MGAM: variants seen among roughly 807,000 people sequenced by gnomAD.
The protein encoded by MGAM is alpha-1,4-glucosidase.
A neutral mutation model predicts 358.8 loss-of-function variants in MGAM; 253 were observed. That is an observed-to-expected ratio of 0.71 (90% confidence interval 0.64 to 0.78). The LOEUF (loss-of-function observed/expected upper bound fraction) is 0.78, where lower values mean the gene tolerates loss of function less well. Ranked by LOEUF, MGAM falls within the 30% of genes least tolerant of loss-of-function variation. The probability of loss-of-function intolerance (pLI) is 0.00; values close to 1 mark genes in which losing one functional copy is unlikely to be tolerated. For synonymous variants in MGAM, 1,105 were observed against 1,227.1 expected (o/e 0.90, Z 2.08); for missense variants, 3,080 against 3,432.6 (o/e 0.90, Z 2.57).
upstream of MGAM, among the ~76,000 whole-genome samples, chr7:141,992,185 T>C (rs935027195): frequency 6.6e-6 from 1 of 152,204 alleles, no homozygotes; most frequent in Middle Eastern, 3.2e-3. Context: ...CTAAGTAACA[T>C]CAAGTCTTTT....
intron 24 of MGAM, 59 bp downstream of exon 24, chr7:142,050,923 C>T (rs1458350118): frequency 1.6e-4 from 251 of 1,608,418 alleles, no homozygotes; most frequent in South Asian, 2.1e-4. Context: ...TCGTGATGTT[C>T]CTTCTTGCCA....
chr7:142,082,105 T>G lies in MGAM; in HGVS notation c.6066T>G (p.Leu2022=). Residue 2022 remains leucine, a synonymous_variant, in exon 51 of 71, where the codon CTT becomes CTG. Transcript: ENST00000475668. Reference sequence around the variant, plus strand: ...TGTTTATCCGCATCTCCACCCGCCTTCCCTCCAAGTACCTCTATGGCTTTG... The same window carrying G: ...TGTTTATCCGCATCTCCACCCGCCTGCCCTCCAAGTACCTCTATGGCTTTG... ...NDMFIRISTR[L]PSKYLYGFGE... The G allele has an allele frequency of 6.4e-7, 1 of 1,555,944 alleles. No individual in the cohort carries two copies. Among genetic ancestry groups the G allele is most frequent in the Non-Finnish European group, 8.8e-7 (1 of 1,132,422 alleles).
intron 68 of MGAM, among the ~76,000 whole-genome samples, chr7:142,102,008 G>T (rs1028784263): frequency 1.3e-5 from 2 of 152,010 alleles, no homozygotes; most frequent in Non-Finnish European, 2.9e-5. Context: ...CAGGGTGTAG[G>T]ATGGGAATAC....
chr7:142,102,258 C>A (rs11984387), intron 68 of MGAM, among the ~76,000 whole-genome samples: 48,480 of 151,820 alleles, frequency 0.32, 7,847 homozygotes, highest in Middle Eastern at 0.35. Context: ...TGTGTACATA[C>A]AGCAAAAGAA....
chr7:142,088,656 GTCTA>G (rs35627220), intron 57 of MGAM, among the ~76,000 whole-genome samples: 36,868 of 125,638 alleles, frequency 0.29, 7,387 homozygotes, highest in South Asian at 0.31. Context: ...CTATCTGTCT[GTCTA>G]TCTATCTATC....
intron 1 of MGAM, among the ~76,000 whole-genome samples, chr7:142,002,592 A>G (rs1804822878): frequency 6.6e-6 from 1 of 152,156 alleles, no homozygotes; most frequent in South Asian, 2.1e-4. Context: ...TGAAAGCCAT[A>G]TATGAAAAAC....
rs757615356 is a variant in MGAM, at chr7:142,096,395, G to A, written c.7672G>A (p.Val2558Ile). 6.2e-7 allele frequency: 1 copy of A among 1,613,700 alleles called. No homozygotes were observed. Among genetic ancestry groups the A allele is most frequent in the Non-Finnish European group, 8.5e-7 (1 of 1,179,700 alleles). ...SQFLLGPAFL[V>I]SPVLERNARN... ...GTTCCTGCTGGGCCCAGCCTTCCTG[G>A]TCAGCCCTGTCCTGGAGCGTGTGAG... is the stretch of plus-strand genomic sequence containing the variant. The change falls in exon 65 of 71, where the codon GTC (valine) becomes ATC (isoleucine). Residue 2558 changes from valine to isoleucine, a missense_variant. Coordinates refer to ENST00000475668, the MANE Select transcript of MGAM (RefSeq NM_001365693.1).
rs1815059910 is a variant in MGAM at position 142,088,816 on chromosome 7, ATGTACCATCTAT to A, written c.6810+2100_6810+2111del. Among the ~76,000 whole-genome samples, 4 of 102,854 alleles carry A rather than the reference ATGTACCATCTAT, an allele frequency of 3.9e-5. 1 individual carries two copies. Among genetic ancestry groups the A allele is most frequent in the African/African-American group, 1.3e-4 (4 of 31,162 alleles). 67.5% of individuals were successfully genotyped at this position (102,854 alleles called of 152,430 possible). On this transcript the variant is annotated intron_variant, in intron 57 of 70. Transcript: ENST00000475668. ...ATCTATCTATCATTCTATCCTATCT[ATGTACCATCTAT>A]CTATCTATCTATCTATCTATCTATC...
chr7:142,092,168 TCAG>T lies in MGAM; in HGVS notation c.6945+122_6945+124del, dbSNP rs1815448398. On this transcript the variant is annotated intron_variant, in intron 58 of 70. Transcript: ENST00000475668. ...TTGTCCAAGGAAGACTTTGGACATATCAGACACTTCCTCCTCTCAGGAGAGGAA... is the reference window on the plus strand; with the variant it reads ...TTGTCCAAGGAAGACTTTGGACATATACACTTCCTCCTCTCAGGAGAGGAA... 4.6e-6 allele frequency: 6 copies of T among 1,310,382 alleles called. 2 individuals are homozygous for T. Among genetic ancestry groups the T allele is most frequent in the Non-Finnish European group, 6.2e-6 (6 of 965,110 alleles). 81.2% of individuals were successfully genotyped at this position (1,310,382 alleles called of 1,614,324 possible). A position where few individuals can be genotyped will look rare whatever the true frequency, so the allele number is the denominator to read the frequency against.
In MGAM at chr7:142,077,945, G is replaced by C. The variant is rs764737148; in HGVS notation, c.5494-373G>C. Among the ~76,000 whole-genome samples, 4 of 145,662 alleles carry C rather than the reference G, an allele frequency of 2.7e-5. 1 individual carries two copies. Among genetic ancestry groups the C allele is most frequent in the Non-Finnish European group, 6.2e-5 (4 of 64,356 alleles). ...GAGAGCAAGAGGATCAGCTCACTTTGAGATGACACCATGTGTCATGCTAAA... is the reference window on the plus strand; with the variant it reads ...GAGAGCAAGAGGATCAGCTCACTTTCAGATGACACCATGTGTCATGCTAAA... On this transcript the variant is annotated intron_variant, in intron 47 of 70. Transcript: ENST00000475668.
chr7:141,987,568 G>C (rs1803769854), intron 2 of MGAM, among the ~76,000 whole-genome samples: 1 of 152,076 alleles, frequency 6.6e-6, no homozygotes, highest in Non-Finnish European at 1.5e-5. Context: ...CACAGAAGTG[G>C]ACCATGCAGG....
At chr7:142,090,844 A>C (rs1200153875) in intron 57 of MGAM, among the ~76,000 whole-genome samples, 1 of 146,742 alleles carries the variant, frequency 6.8e-6, no homozygotes, top group Non-Finnish European at 1.5e-5. Context: ...TTAAACAGTG[A>C]GTATATATTT....
At chr7:142,047,172 C>T (rs1377739692) in intron 21 of MGAM, among the ~76,000 whole-genome samples, 2 of 152,096 alleles carry the variant, frequency 1.3e-5, no homozygotes, top group African/African-American at 2.4e-5. Context: ...TTTCTCTCTT[C>T]TCCCCCTCTT....
rs1345828825 is a variant in MGAM at position 142,095,874 on chromosome 7, GC to G, written c.7607+163del. The G allele has an allele frequency of 4.6e-6, 5 of 1,092,140 alleles. No homozygotes were observed. The African/African-American group carries it at 7.9e-5, about 17-fold the overall frequency. The allele number at this position is 1,092,140 out of a possible 1,614,324, so 67.7% of individuals were successfully genotyped here. ...CTCTCTTTAGCACAGTGCTATACAT[GC>G]CTTAGGTCATTAATAAAAGGTTATT... On this transcript the variant is annotated intron_variant, in intron 64 of 70. Coordinates refer to ENST00000475668, the MANE Select transcript of MGAM (RefSeq NM_001365693.1).
intron 21 of MGAM, among the ~76,000 whole-genome samples, chr7:142,047,435 G>T (rs983444984): frequency 1.3e-5 from 2 of 152,118 alleles, no homozygotes; most frequent in African/African-American, 4.8e-5. Flanking sequence ...TTGCTAAAGT[G>T]ATATAACTGA....
Position 142,040,170 on chromosome 7 carries a change from CTG to C in MGAM, c.2373+1_2373+2del. On this transcript the variant is annotated splice_donor_variant and coding_sequence_variant, in exon 20 of 71. Coordinates refer to ENST00000475668, the MANE Select transcript of MGAM (RefSeq NM_001365693.1). LOFTEE classifies it high-confidence loss of function. ...GATGCTGTCTGGTATGACTACGAGA[CTG>C]TAAGTAGCTTTGACTTTTCTTCTAC... 1 of 1,610,344 alleles carries C rather than the reference CTG, an allele frequency of 6.2e-7. No individual in the cohort carries two copies. The highest frequency in any genetic ancestry group is 8.5e-7 in the Non-Finnish European group (1 of 1,177,328).
At chr7:142,034,962 A>G (rs1807855105) in intron 16 of MGAM, 121 bp downstream of exon 16, 1 of 936,226 alleles carries the variant, frequency 1.1e-6, no homozygotes, top group Non-Finnish European at 1.6e-6. Context: ...TAATATCTTG[A>G]GAGCATGTGC....
At chr7:142,082,844 G>A (rs1262063689) in intron 52 of MGAM, among the ~76,000 whole-genome samples, 1 of 146,036 alleles carries the variant, frequency 6.8e-6, no homozygotes, top group Non-Finnish European at 1.6e-5. Flanking sequence ...CAGCTCGTGA[G>A]AGCCAGTTAT....
intron 9 of MGAM, 87 bp downstream of exon 9, chr7:142,027,314 C>A: frequency 9.4e-7 from 1 of 1,059,576 alleles, no homozygotes; most frequent in Non-Finnish European, 1.4e-6. Context: ...AAGTGTGACC[C>A]ACAAAATCTG....
Sources: gnomAD v4.1 joint callset for allele counts (sites outside exome capture counted in the v4.1 genomes callset) on GRCh38, gnomAD v4.1.1 for gene constraint, MANE v1.5 for transcripts, NCBI Gene and HGNC (gene_info 2026-07-23, HGNC 2026-07-21) for gene names.